The following HERC2 variants were observed in gnomAD, a reference collection of about 807,000 sequenced individuals.
HERC2 encodes the protein E3 ubiquitin-protein ligase HERC2.
Under a neutral mutation model 537.7 loss-of-function variants are expected in HERC2, and 102 were observed. That is an observed-to-expected ratio of 0.19 (90% CI 0.16 to 0.22). HERC2 has a LOEUF of 0.22. Ranked by LOEUF, HERC2 falls within the 10% of genes least tolerant of loss-of-function variation. The pLI, the probability that HERC2 is intolerant of heterozygous loss-of-function variation, is 1.00. For synonymous variants in HERC2, 2,224 were observed against 2,466.2 expected (o/e 0.90, Z 2.91); for missense variants, 4,236 against 6,198.2 (o/e 0.68, Z 10.63).
intron 29 of HERC2, 22 bp downstream of exon 29, chr15:28,233,412 A>T (rs1336549543): frequency 7.7e-7 from 1 of 1,300,744 alleles, no homozygotes; most frequent in East Asian, 2.3e-5. Flanking sequence ...AGCACAGAAT[A>T]AAAAGAATTA....
Position 28,222,140 on chromosome 15 carries a change from G to C in HERC2, c.5540C>G (p.Thr1847Arg). ...QGASATVLEETRKETAPVQLP... is the reference protein window; with the variant it reads ...QGASATVLEERRKETAPVQLP... ...CTGCACAGGAGCCGTTTCCTTCCTT[G>C]TTTCTTCCAAAACTGTGGCAGAAGC... Residue 1847 changes from threonine to arginine, a missense_variant, in exon 36 of 93, where the codon ACA (threonine) becomes AGA (arginine). Transcript: ENST00000261609. 2.2e-6 allele frequency: 3 copies of C among 1,334,436 alleles called. No homozygotes were observed. Among genetic ancestry groups the C allele is most frequent in the Non-Finnish European group, 3.2e-6 (3 of 929,788 alleles). 82.7% of individuals were successfully genotyped at this position (1,334,436 alleles called of 1,614,324 possible).
At chr15:28,191,091 G>A (rs370565203) in intron 54 of HERC2, 35 bp from the exon 55 acceptor site, 46 of 1,587,728 alleles carry the variant, frequency 2.9e-5, no homozygotes, top group Non-Finnish European at 3.5e-5. Context: ...AAACAAAGGC[G>A]TCTTTATTAT....
intron 16 of HERC2, among the ~76,000 whole-genome samples, chr15:28,259,353 C>T (rs1052028680): frequency 6.6e-5 from 10 of 152,086 alleles, no homozygotes; most frequent in Non-Finnish European, 1.5e-4. Context: ...TCTCGGCCTC[C>T]CAACGTGCTG....
At position 28,177,365 on chromosome 15, in the gene HERC2, A is replaced by T. The variant is rs1895390709; in HGVS notation, c.9254+54T>A. 1.3e-6 allele frequency: 2 copies of T among 1,506,656 alleles called. No homozygotes were observed. The highest frequency in any genetic ancestry group is 1.1e-5 in the South Asian group (1 of 88,570). 93.3% of individuals were successfully genotyped at this position (1,506,656 alleles called of 1,614,324 possible). On this transcript the variant is annotated intron_variant, in intron 60 of 92. Coordinates refer to ENST00000261609, the MANE Select transcript of HERC2 (RefSeq NM_004667.6). The surrounding 1 kb of genome is among the most constrained non-coding windows in gnomAD (Gnocchi z 5.0). Reference sequence around the variant, plus strand: ...TTTCTGCAAAATAATTCTCAAGAGTATCAGTCAGAAACAGTTTCTTATTAG... The same window carrying T: ...TTTCTGCAAAATAATTCTCAAGAGTTTCAGTCAGAAACAGTTTCTTATTAG...
chr15:28,206,832 CAAAAAAAAAAAAAA>C (rs71132838), intron 44 of HERC2, among the ~76,000 whole-genome samples: 80 of 51,470 alleles, frequency 1.6e-3, no homozygotes, highest in African/African-American at 4.6e-3. Context: ...GACTCGGTCT[CAAAAAAAAAAAAAA>C]AAAAAAAAAA....
chr15:28,241,929 T>C (rs1903169571), intron 23 of HERC2, among the ~76,000 whole-genome samples: 1 of 152,210 alleles, frequency 6.6e-6, no homozygotes, highest in African/African-American at 2.4e-5. Context: ...CCAAATGTCA[T>C]CAACTGATGG....
At chr15:28,126,903 C>T (rs1056506633) in intron 83 of HERC2, among the ~76,000 whole-genome samples, 5 of 152,138 alleles carry the variant, frequency 3.3e-5, no homozygotes, top group Admixed American at 6.5e-5. Flanking sequence ...AAGAACATGC[C>T]GTTTCTGTTC....
intron 2 of HERC2, chr15:28,312,637 A>G (rs140717581): frequency 8.3e-3 from 1,385 of 167,318 alleles, no homozygotes; most frequent in African/African-American, 0.032. Flanking sequence ...TAAAAAAAAT[A>G]AAATAAAATA....
chr15:28,224,409 A>G (rs554106275), intron 35 of HERC2, among the ~76,000 whole-genome samples: 4 of 152,172 alleles, frequency 2.6e-5, no homozygotes, highest in Non-Finnish European at 5.9e-5. Flanking sequence ...TTTTGTAGAG[A>G]CAGGGTTTCT....
At chr15:28,219,640 G>A (rs1042463355) in intron 37 of HERC2, among the ~76,000 whole-genome samples, 59 of 152,182 alleles carry the variant, frequency 3.9e-4, no homozygotes, top group African/African-American at 1.1e-3. Flanking sequence ...CAGACGGTGC[G>A]CTATGGCATA....
chr15:28,294,752 T>G (rs1210454086), intron 3 of HERC2, among the ~76,000 whole-genome samples: 4 of 151,954 alleles, frequency 2.6e-5, no homozygotes, highest in Non-Finnish European at 5.9e-5. Context: ...TGTTCCCAAG[T>G]GCAGCCCCCG....
intron 2 of HERC2, 84 bp from the exon 3 acceptor site, chr15:28,299,600 A>C: frequency 1.5e-5 from 11 of 725,726 alleles, no homozygotes; most frequent in East Asian, 2.5e-5. Context: ...AAAAAATCTC[A>C]ATCCCCCTTA....
chr15:28,239,193 T>C (rs1225349009), intron 23 of HERC2, among the ~76,000 whole-genome samples: 3 of 152,128 alleles, frequency 2.0e-5, no homozygotes, highest in Admixed American at 1.3e-4. Flanking sequence ...CTATGAAAAT[T>C]AGAAAATGTG....
At chr15:28,299,969 C>T (rs111536790) in intron 2 of HERC2, among the ~76,000 whole-genome samples, 11,326 of 150,180 alleles carry the variant, frequency 0.075, 1,405 homozygotes, top group African/African-American at 0.26. Context: ...AGGAGAATTG[C>T]TTGAACCCAG....
At chr15:28,132,362 G>T in intron 80 of HERC2, 101 bp from the exon 81 acceptor site, 7 of 1,126,838 alleles carry the variant, frequency 6.2e-6, no homozygotes, top group East Asian at 2.7e-5. Flanking sequence ...GGGGGTACCT[G>T]TTTTAAGCCT....
intron 38 of HERC2, among the ~76,000 whole-genome samples, chr15:28,217,729 T>A (rs550341553): frequency 1.3e-5 from 2 of 152,054 alleles, no homozygotes; most frequent in Non-Finnish European, 2.9e-5. Context: ...TGGATTAGAG[T>A]CAAAGAAACT....
intron 78 of HERC2, among the ~76,000 whole-genome samples, chr15:28,139,510 C>A (rs780156634): frequency 6.6e-6 from 1 of 152,214 alleles, no homozygotes; most frequent in African/African-American, 2.4e-5. Flanking sequence ...CTGCAGCCTG[C>A]TGAGATTCTG....
chr15:28,132,174 C>T lies in HERC2; in HGVS notation c.12496G>A (p.Val4166Ile), dbSNP rs1890179082. 2 of 1,614,036 alleles carry T rather than the reference C, an allele frequency of 1.2e-6. No homozygotes were observed. The highest frequency in any genetic ancestry group is 1.7e-6 in the Non-Finnish European group (2 of 1,179,916). The change falls in exon 81 of 93, where the codon GTC (valine) becomes ATC (isoleucine). Residue 4166 changes from valine to isoleucine, a missense_variant. Physicochemically the swap from Val to Ile is conservative, Grantham distance 29. Coordinates refer to ENST00000261609, the MANE Select transcript of HERC2 (RefSeq NM_004667.6). ...QTLCLTDDDT[V>I]WSWGDGDYGK... ...TAGTCCCCGTCCCCCCAGGACCAGACAGTGTCGTCATCTGTGAGGCAGAGG... is the reference window on the plus strand; with the variant it reads ...TAGTCCCCGTCCCCCCAGGACCAGATAGTGTCGTCATCTGTGAGGCAGAGG...
chr15:28,262,780 A>G (rs1378418438), intron 15 of HERC2, 138 bp downstream of exon 15: 5 of 888,192 alleles, frequency 5.6e-6, no homozygotes, highest in African/African-American at 1.7e-5. Context: ...ATGACAGTCC[A>G]TTCATGGAAT....
Sources: allele counts gnomAD v4.1 joint callset (sites outside exome capture counted in the v4.1 genomes callset), GRCh38; gene constraint gnomAD v4.1.1; non-coding constraint Gnocchi (gnomAD v3.1); transcripts MANE v1.5; gene names NCBI Gene and HGNC (gene_info 2026-07-23, HGNC 2026-07-21).